Variants in SGPP1 observed in about 807,000 individuals in gnomAD.
SGPP1 encodes hSPP1.
In SGPP1, 21 loss-of-function variants were observed where a neutral mutation model predicts 33.0. The observed-to-expected ratio is 0.64, with a 90% CI of 0.45 to 0.92. SGPP1 has a LOEUF of 0.92. Among genes scored for constraint, SGPP1 ranks in the 40% least tolerant of loss-of-function variants. The probability of loss-of-function intolerance (pLI) is 0.00; values close to 1 mark genes in which losing one functional copy is unlikely to be tolerated. For missense variants in SGPP1, 543 were observed against 589.4 expected (o/e 0.92, Z 0.81); for synonymous variants, 239 against 241.2 (o/e 0.99, Z 0.08).
rs1334263286 is a variant in SGPP1, at chr14:63,708,208, A to T, written c.685-9550T>A. On this transcript the variant is annotated intron_variant, in intron 1 of 2. Coordinates refer to ENST00000247225, the MANE Select transcript of SGPP1 (RefSeq NM_030791.4). ...TTCTTTTCTATTCCTACCTAACCCAATCTTTCTTTTTTTCTTGGTACTCAC... is the reference window on the plus strand; with the variant it reads ...TTCTTTTCTATTCCTACCTAACCCATTCTTTCTTTTTTTCTTGGTACTCAC... Among the ~76,000 whole-genome samples the T allele has an allele frequency of 7.2e-5, 10 of 138,692 alleles. No homozygotes were observed. In the South Asian group the frequency reaches 1.3e-3, roughly 19 times the overall value. The allele number at this position is 138,692 out of a possible 152,430, so 91.0% of individuals were successfully genotyped here.
intron 1 of SGPP1, among the ~76,000 whole-genome samples, chr14:63,721,923 A>G (rs1885779622): frequency 6.6e-6 from 1 of 152,240 alleles, no homozygotes; most frequent in South Asian, 2.1e-4. Context: ...AAGGTATATA[A>G]AAGCTATTCT....
At chr14:63,686,694 C>CCTG (rs1566815907) in intron 2 of SGPP1, 38 bp from the exon 3 acceptor site, 8 of 1,386,210 alleles carry the variant, frequency 5.8e-6, no homozygotes, top group South Asian at 4.1e-5. Context: ...TAGTATAATA[C>CCTG]TGAATATTTT....
At chr14:63,711,392 A>G (rs1006522054) in intron 1 of SGPP1, among the ~76,000 whole-genome samples, 15 of 152,200 alleles carry the variant, frequency 9.9e-5, no homozygotes, top group African/African-American at 3.6e-4. Flanking sequence ...CTCCAGAGAA[A>G]CAGAACCAAT....
chr14:63,711,112 C>T (rs1381016822), intron 1 of SGPP1, among the ~76,000 whole-genome samples: 3 of 151,168 alleles, frequency 2.0e-5, no homozygotes, highest in African/African-American at 7.3e-5. Context: ...CTCCCGGGTT[C>T]AAGCGATTCT....
chr14:63,714,904 T>A (rs1283669951), intron 1 of SGPP1, among the ~76,000 whole-genome samples: 1 of 151,816 alleles, frequency 6.6e-6, no homozygotes, highest in Admixed American at 6.6e-5. Flanking sequence ...ACTTTCTATA[T>A]TTTTTATAGT....
In SGPP1 at chr14:63,686,055, G is replaced by A. The variant is rs1471636271; in HGVS notation, c.*50C>T. The A allele has an allele frequency of 9.0e-7, 1 of 1,109,656 alleles. No homozygotes were observed. Among genetic ancestry groups the A allele is most frequent in the Admixed American group, 3.1e-5 (1 of 32,586 alleles). 68.7% of individuals were successfully genotyped at this position (1,109,656 alleles called of 1,614,324 possible). ...TGGCTTTACCTGGAATATATTTTTGGGTATCAGTAACTGATACCCTCCTTT... is the reference window on the plus strand; with the variant it reads ...TGGCTTTACCTGGAATATATTTTTGAGTATCAGTAACTGATACCCTCCTTT... On this transcript the variant is annotated 3_prime_UTR_variant, in exon 3 of 3. Transcript: ENST00000247225.
At chr14:63,708,913 AACTACTAC>A (rs1885470635) in intron 1 of SGPP1, among the ~76,000 whole-genome samples, 1 of 152,214 alleles carries the variant, frequency 6.6e-6, no homozygotes, top group African/African-American at 2.4e-5. Flanking sequence ...CTGAGCTCTT[AACTACTAC>A]ACTATGCTGC....
chr14:63,719,015 T>TATATATATATA (rs1491285317), intron 1 of SGPP1, among the ~76,000 whole-genome samples: 15 of 15,572 alleles, frequency 9.6e-4, no homozygotes, highest in South Asian at 9.0e-3. Flanking sequence ...TATATATATA[T>TATATATATATA]TTTTTTTTTT....
chr14:63,690,010 T>C lies in SGPP1; in HGVS notation c.775-3354A>G, dbSNP rs532987049. On this transcript the variant is annotated intron_variant, in intron 2 of 2. Coordinates refer to ENST00000247225, the MANE Select transcript of SGPP1 (RefSeq NM_030791.4). The stretch of plus-strand genomic sequence containing the variant: ...TCCCACTTATGGTCATTTAAGCTGT[T>C]TTTGGGTTTTGGATTAGTTAATTGA... Among the ~76,000 whole-genome samples, 17 of 152,278 alleles carry C rather than the reference T, an allele frequency of 1.1e-4. No individual in the cohort carries two copies. The East Asian group carries it at 2.3e-3, about 21-fold the overall frequency.
intron 2 of SGPP1, among the ~76,000 whole-genome samples, chr14:63,688,906 A>G (rs1046498342): frequency 1.1e-4 from 16 of 152,002 alleles, no homozygotes; most frequent in African/African-American, 3.6e-4. Flanking sequence ...TATTTTTAGT[A>G]GAGACGGGGT....
chr14:63,699,458 A>G (rs79418042), intron 1 of SGPP1, among the ~76,000 whole-genome samples: 2,044 of 152,268 alleles, frequency 0.013, 35 homozygotes, highest in African/African-American at 0.042. Flanking sequence ...ATTGAAGCCA[A>G]TGTGGTTAGG....
At chr14:63,725,322 C>T (rs36086231) in intron 1 of SGPP1, among the ~76,000 whole-genome samples, 265 of 152,212 alleles carry the variant, frequency 1.7e-3, no homozygotes, top group Non-Finnish European at 2.8e-3. Context: ...TGCAGTGAGC[C>T]GAGACTGCAC....
chr14:63,702,454 C>T (rs1885318438), intron 1 of SGPP1, among the ~76,000 whole-genome samples: 1 of 152,078 alleles, frequency 6.6e-6, no homozygotes. Flanking sequence ...TGCCTGTAAT[C>T]CCAGCAGCAC....
Position 63,727,728 on chromosome 14 carries a change from G to T in SGPP1, c.217C>A (p.Arg73Ser). The T allele has an allele frequency of 7.0e-7, 1 of 1,437,772 alleles. No homozygotes were observed. The highest frequency in any genetic ancestry group is 3.0e-5 in the East Asian group (1 of 33,250). 89.1% of individuals were successfully genotyped at this position (1,437,772 alleles called of 1,614,324 possible). A position where few individuals can be genotyped will look rare whatever the true frequency, so the allele number is the denominator to read the frequency against. The change falls in exon 1 of 3, where the codon CGC becomes AGC. Residue 73 changes from arginine (R) to serine (S), a missense_variant. Coordinates refer to ENST00000247225, the MANE Select transcript of SGPP1 (RefSeq NM_030791.4). ...PGGPQPPGSD[R>S]NQCPAKPDGG... ...TCCGGCTTGGCCGGGCACTGATTGCGGTCGCTCCCGGGAGGCTGGGGGCCT... is the reference window on the plus strand; with the variant it reads ...TCCGGCTTGGCCGGGCACTGATTGCTGTCGCTCCCGGGAGGCTGGGGGCCT...
chr14:63,709,247 G>T (rs1011258042), intron 1 of SGPP1, among the ~76,000 whole-genome samples: 2 of 152,004 alleles, frequency 1.3e-5, no homozygotes, highest in Admixed American at 6.6e-5. Flanking sequence ...GGTGGTGGGG[G>T]CCTGTAATCC....
chr14:63,699,538 C>T (rs114179342), intron 1 of SGPP1, among the ~76,000 whole-genome samples: 11 of 151,986 alleles, frequency 7.2e-5, no homozygotes, highest in Middle Eastern at 3.4e-3. Flanking sequence ...ATATTTAGTA[C>T]GAAATTGTTG....
At chr14:63,707,442 TGAG>T (rs1885438493) in intron 1 of SGPP1, among the ~76,000 whole-genome samples, 1 of 152,066 alleles carries the variant, frequency 6.6e-6, no homozygotes, top group South Asian at 2.1e-4. Flanking sequence ...TTCCAGATCA[TGAG>T]GAAGAAATTC....
At chr14:63,725,405 A>G (rs1398570381) in intron 1 of SGPP1, among the ~76,000 whole-genome samples, 1 of 152,242 alleles carries the variant, frequency 6.6e-6, no homozygotes, top group African/African-American at 2.4e-5. Flanking sequence ...TAACCGAAAA[A>G]TCATGCAAAT....
rs775281242 is a variant in SGPP1 at position 63,686,467 on chromosome 14, T to C, written c.964A>G (p.Ile322Val). The part of the protein sequence containing the change: ...WSTSRGDTAE[I>V]LGSGAGIACG... The stretch of plus-strand genomic sequence containing the variant: ...GCAATTCCAGCACCACTTCCTAGTA[T>C]CTCGGCTGTGTCTCCTCGGGATGTG... The change falls in exon 3 of 3, where the codon ATA becomes GTA. Residue 322 changes from isoleucine to valine, a missense_variant. Physicochemically the swap from Ile to Val is conservative, Grantham distance 29. Coordinates refer to ENST00000247225, the MANE Select transcript of SGPP1 (RefSeq NM_030791.4). 1.9e-6 allele frequency: 3 copies of C among 1,614,142 alleles called. No individual in the cohort carries two copies. The highest frequency in any genetic ancestry group is 2.2e-5 in the East Asian group (1 of 44,876).
Sources: gnomAD v4.1 joint callset for allele counts (sites outside exome capture counted in the v4.1 genomes callset) on GRCh38, gnomAD v4.1.1 for gene constraint, MANE v1.5 for transcripts, NCBI Gene and HGNC (gene_info 2026-07-23, HGNC 2026-07-21) for gene names.